Variants in PDS5A observed in about 807,000 individuals in gnomAD.
PDS5A encodes PDS5 cohesin associated factor A, also known as sister chromatid cohesion protein PDS5 homolog A.
In PDS5A, 42 loss-of-function variants were observed where a neutral mutation model predicts 167.1. The observed-to-expected ratio is 0.25, with a 90% CI of 0.20 to 0.33. The LOEUF is 0.33. PDS5A is among the 10% of genes least tolerant of loss of function. The pLI, the probability that PDS5A is intolerant of heterozygous loss-of-function variation, is 1.00. For missense variants in PDS5A, 1,033 were observed against 1,605.9 expected (o/e 0.64, Z 6.10); for synonymous variants, 553 against 554.6 (o/e 1.00, Z 0.04).
At chr4:39,925,181 C>T (rs1483692300) in intron 5 of PDS5A, among the ~76,000 whole-genome samples, 1 of 151,926 alleles carries the variant, frequency 6.6e-6, no homozygotes, top group African/African-American at 2.4e-5. Context: ...CAAAAAAAAC[C>T]AAACCAAAAC....
intron 32 of PDS5A, among the ~76,000 whole-genome samples, chr4:39,835,157 C>T (rs305127): frequency 2.0e-5 from 3 of 152,014 alleles, no homozygotes; most frequent in Admixed American, 1.3e-4. Context: ...TCAGGCTGAT[C>T]TTGAACTCCT....
intron 17 of PDS5A, among the ~76,000 whole-genome samples, chr4:39,881,682 C>T (rs1720942335): frequency 6.6e-6 from 1 of 152,136 alleles, no homozygotes; most frequent in South Asian, 2.1e-4. Flanking sequence ...TACCTGTTAG[C>T]AGGAACTCAT....
intron 2 of PDS5A, chr4:39,974,294 CA>C: frequency 1.9e-6 from 1 of 536,630 alleles, no homozygotes; most frequent in South Asian, 1.4e-5. Context: ...AGCTTCTTCA[CA>C]GGTTCCATGA....
In PDS5A at chr4:39,898,788, A is replaced by G; in HGVS notation, c.1619T>C (p.Met540Thr). The G allele has an allele frequency of 6.3e-7, 1 of 1,586,404 alleles. No individual in the cohort carries two copies. The highest frequency in any genetic ancestry group is 1.3e-5 in the African/African-American group (1 of 74,710). ...ATAAACATACTCACTTGCTATGGTC[A>G]TCAGTTTTCCAAACATGGCAGAACA... ...ANCSAMFGKLMTIAKNLPDPG... is the reference protein window; with the variant it reads ...ANCSAMFGKLTTIAKNLPDPG... Residue 540 changes from methionine (M) to threonine (T), a missense_variant, in exon 15 of 33, where the codon ATG becomes ACG. Around this residue, in one of 4 missense-constraint regions of PDS5A, gnomAD observed 45 missense variants for 40.2 expected, o/e 1.12. Coordinates refer to ENST00000303538, the MANE Select transcript of PDS5A (RefSeq NM_001100399.2).
At chr4:39,860,707 T>A (rs1476623791) in intron 26 of PDS5A, among the ~76,000 whole-genome samples, 3 of 152,100 alleles carry the variant, frequency 2.0e-5, no homozygotes, top group Non-Finnish European at 4.4e-5. Flanking sequence ...GAACTTGAAG[T>A]CATTATGCTC....
intron 2 of PDS5A, among the ~76,000 whole-genome samples, chr4:39,930,530 A>G (rs1031278031): frequency 3.3e-5 from 5 of 152,064 alleles, no homozygotes; most frequent in Non-Finnish European, 7.4e-5. Flanking sequence ...CCAAGTTTGC[A>G]TTGCTAAAAT....
chr4:39,973,324 T>C (rs1056946433), intron 2 of PDS5A: 4 of 1,607,478 alleles, frequency 2.5e-6, no homozygotes, highest in Non-Finnish European at 2.6e-6. Context: ...ACCTTGTACA[T>C]GAACAGCAGG....
intron 2 of PDS5A, among the ~76,000 whole-genome samples, chr4:39,945,996 C>A (rs545043104): frequency 1.3e-5 from 2 of 151,872 alleles, no homozygotes; most frequent in Admixed American, 6.6e-5. Context: ...CACTTGAGGT[C>A]AGGAGTTCGA....
At chr4:39,972,962 T>C (rs1730698991) in intron 2 of PDS5A, among the ~76,000 whole-genome samples, 1 of 152,150 alleles carries the variant, frequency 6.6e-6, no homozygotes, top group Admixed American at 6.6e-5. Context: ...ACTAATATTA[T>C]GTTTGCTAGA....
At chr4:39,856,967 A>C (rs1379428594) in intron 26 of PDS5A, among the ~76,000 whole-genome samples, 1 of 152,242 alleles carries the variant, frequency 6.6e-6, no homozygotes, top group Non-Finnish European at 1.5e-5. Flanking sequence ...GTAGAAGAGC[A>C]ATGTGTCCAT....
intron 11 of PDS5A, among the ~76,000 whole-genome samples, chr4:39,904,522 C>T (rs995974457): frequency 1.4e-4 from 21 of 152,062 alleles, no homozygotes; most frequent in African/African-American, 3.9e-4. Flanking sequence ...TTAGTAGAGA[C>T]GGGGTTTCAC....
intron 32 of PDS5A, among the ~76,000 whole-genome samples, chr4:39,835,985 T>A (rs1716345002): frequency 6.6e-6 from 1 of 152,126 alleles, no homozygotes; most frequent in South Asian, 2.1e-4. Context: ...TTTGGCAATC[T>A]CCAGGGAAAC....
chr4:39,839,604 A>G (rs1396235746), intron 31 of PDS5A, among the ~76,000 whole-genome samples: 2 of 151,990 alleles, frequency 1.3e-5, no homozygotes, highest in Non-Finnish European at 2.9e-5. Context: ...TCAGAAAATG[A>G]GAGTTTGGAT....
intron 10 of PDS5A, 195 bp downstream of exon 10, chr4:39,910,045 TAAAC>T (rs879467289): frequency 5.0e-5 from 21 of 423,174 alleles, no homozygotes; most frequent in African/African-American, 2.4e-4. Context: ...TCTCTTAAAA[TAAAC>T]AAACAAACAA....
At chr4:39,887,772 A>G (rs1250968930) in intron 17 of PDS5A, among the ~76,000 whole-genome samples, 1 of 152,224 alleles carries the variant, frequency 6.6e-6, no homozygotes, top group Non-Finnish European at 1.5e-5. Flanking sequence ...AGCAATAAAA[A>G]AAGCGAAGAG....
At chr4:39,852,804 C>T (rs1201167875) in intron 26 of PDS5A, among the ~76,000 whole-genome samples, 1 of 152,180 alleles carries the variant, frequency 6.6e-6, no homozygotes, top group African/African-American at 2.4e-5. Context: ...TTCTGGATGA[C>T]ATTTTTCCTT....
chr4:39,930,302 A>G (rs1422982942), intron 2 of PDS5A, among the ~76,000 whole-genome samples: 6 of 130,142 alleles, frequency 4.6e-5, no homozygotes, highest in Admixed American at 1.7e-4. Flanking sequence ...CATGTTGCCC[A>G]GGCTGGTCTC....
chr4:39,942,210 T>A lies in PDS5A; in HGVS notation c.139-14046A>T, dbSNP rs538919258. Among the ~76,000 whole-genome samples the A allele has an allele frequency of 1.8e-4, 28 of 152,284 alleles. No homozygotes were observed. The South Asian group carries it at 5.6e-3, about 30-fold the overall frequency. On this transcript the variant is annotated intron_variant, in intron 2 of 32. Coordinates refer to ENST00000303538, the MANE Select transcript of PDS5A (RefSeq NM_001100399.2). ...TTATACATATGTATATGTTTATATATAATTATAAAACATTATGTAATGTCA... is the reference window on the plus strand; with the variant it reads ...TTATACATATGTATATGTTTATATAAAATTATAAAACATTATGTAATGTCA...
intron 2 of PDS5A, among the ~76,000 whole-genome samples, chr4:39,943,621 A>T (rs1727440031): frequency 3.8e-4 from 1 of 2,660 alleles, no homozygotes. Context: ...CCGTTTCTAC[A>T]AAAAAAAAAA....
Sources: gnomAD v4.1 joint callset for allele counts (sites outside exome capture counted in the v4.1 genomes callset) on GRCh38, gnomAD v4.1.1 for gene constraint, gnomAD v4.1.1 regional missense constraint, MANE v1.5 for transcripts, NCBI Gene and HGNC (gene_info 2026-07-23, HGNC 2026-07-21) for gene names.